OPCML: variants seen among roughly 807,000 people sequenced by gnomAD.
OPCML encodes opioid-binding protein/cell adhesion molecule.
Under a neutral mutation model 37.8 loss-of-function variants are expected in OPCML, and 13 were observed. That is an observed-to-expected ratio of 0.34 (90% CI 0.22 to 0.55). OPCML has a LOEUF of 0.55. OPCML is among the 20% of genes least tolerant of loss of function. The pLI is 0.91. For synonymous variants in OPCML, 176 were observed against 168.8 expected (o/e 1.04, Z -0.33); for missense variants, 341 against 435.6 (o/e 0.78, Z 1.93).
intron 1 of OPCML, among the ~76,000 whole-genome samples, chr11:133,431,523 T>C (rs973895958): frequency 3.9e-5 from 6 of 152,138 alleles, no homozygotes; most frequent in Non-Finnish European, 8.8e-5. Flanking sequence ...TGGAGGGCAA[T>C]AGCGTGATCT....
At chr11:132,915,318 G>A (rs1464384161) in intron 2 of OPCML, among the ~76,000 whole-genome samples, 1 of 152,180 alleles carries the variant, frequency 6.6e-6, no homozygotes, top group Non-Finnish European at 1.5e-5. Context: ...GGTGAGGCAT[G>A]CACATTTCTG....
intron 1 of OPCML, among the ~76,000 whole-genome samples, chr11:133,397,047 A>AT (rs1945302889): frequency 6.6e-6 from 1 of 152,158 alleles, no homozygotes; most frequent in Non-Finnish European, 1.5e-5. Flanking sequence ...CTCCATGTCT[A>AT]TTTTTTGAGA....
intron 1 of OPCML, among the ~76,000 whole-genome samples, chr11:133,029,394 GT>G (rs1384841972): frequency 2.0e-5 from 3 of 152,012 alleles, no homozygotes; most frequent in African/African-American, 7.3e-5. Flanking sequence ...AAAATAAATC[GT>G]TCAACCAAAA....
At chr11:133,493,472 T>C (rs891261488) in intron 1 of OPCML, among the ~76,000 whole-genome samples, 2 of 152,196 alleles carry the variant, frequency 1.3e-5, no homozygotes, top group African/African-American at 4.8e-5. Flanking sequence ...TTTACAGAAA[T>C]GAGTTTAAAC....
At chr11:132,731,362 A>G (rs1945069350) in intron 2 of OPCML, among the ~76,000 whole-genome samples, 1 of 152,210 alleles carries the variant, frequency 6.6e-6, no homozygotes, top group South Asian at 2.1e-4. Flanking sequence ...AATAAATCTG[A>G]TGGTGATGCC....
intron 2 of OPCML, among the ~76,000 whole-genome samples, chr11:132,792,689 C>T (rs1458736290): frequency 1.3e-5 from 2 of 152,086 alleles, no homozygotes; most frequent in East Asian, 1.9e-4. Flanking sequence ...AGGGGATGGG[C>T]GGCCCCCACC....
intron 2 of OPCML, among the ~76,000 whole-genome samples, chr11:132,725,705 A>G (rs1225540242): frequency 1.3e-5 from 2 of 151,700 alleles, no homozygotes; most frequent in African/African-American, 4.8e-5. Flanking sequence ...TTTGCTGCTT[A>G]GAAATTTCTC....
intron 1 of OPCML, among the ~76,000 whole-genome samples, chr11:133,213,489 T>A (rs1463044051): frequency 6.6e-6 from 1 of 152,194 alleles, no homozygotes; most frequent in Non-Finnish European, 1.5e-5. Flanking sequence ...ACAAAAACAC[T>A]AATGCTCTTT....
rs993968631 is a variant in OPCML, at chr11:132,774,485, G to A, written c.147-117166C>T. Among the ~76,000 whole-genome samples, 8 of 151,982 alleles carry A rather than the reference G, an allele frequency of 5.3e-5. No individual in the cohort carries two copies. In the South Asian group the frequency reaches 6.2e-4, roughly 12 times the overall value. Reference sequence around the variant, plus strand: ...ATAGTGCTGGAAAGCCACAAGCCTCGCTCTCTTTTCATCTCCTGTTTTACC... The same window carrying A: ...ATAGTGCTGGAAAGCCACAAGCCTCACTCTCTTTTCATCTCCTGTTTTACC... On this transcript the variant is annotated intron_variant, in intron 2 of 7. Transcript: ENST00000524381.
chr11:132,730,241 A>T (rs989535219), intron 2 of OPCML, among the ~76,000 whole-genome samples: 1 of 151,926 alleles, frequency 6.6e-6, no homozygotes, highest in African/African-American at 2.4e-5. Flanking sequence ...ACAGGTACCA[A>T]ATGCAGTTGA....
intron 1 of OPCML, among the ~76,000 whole-genome samples, chr11:133,179,094 C>T (rs773216338): frequency 2.0e-4 from 30 of 152,036 alleles, no homozygotes; most frequent in Non-Finnish European, 3.1e-4. Context: ...CCCCTCTGGC[C>T]CTCACCAAAA....
At chr11:132,629,888 A>G (rs1939986557) in intron 3 of OPCML, among the ~76,000 whole-genome samples, 1 of 152,238 alleles carries the variant, frequency 6.6e-6, no homozygotes. Flanking sequence ...AGAAACAAGA[A>G]TAGATATTTT....
intron 2 of OPCML, among the ~76,000 whole-genome samples, chr11:132,750,165 A>C (rs951077712): frequency 5.9e-5 from 9 of 152,220 alleles, no homozygotes; most frequent in Non-Finnish European, 1.0e-4. Context: ...GTATTATGGT[A>C]GAAGTCATCA....
chr11:133,384,266 GA>G (rs1311468159), intron 1 of OPCML, among the ~76,000 whole-genome samples: 3 of 35,352 alleles, frequency 8.5e-5, no homozygotes, highest in Non-Finnish European at 1.8e-4. Context: ...AAAAAAAAAA[GA>G]AAAGAAAAGA....
In OPCML at chr11:132,447,457, C is replaced by G. The variant is rs140986571; in HGVS notation, c.506-10098G>C. 4.0e-5 allele frequency among the ~76,000 whole-genome samples: 6 copies of G among 148,234 alleles called. No homozygotes were observed. The East Asian group carries it at 1.2e-3, about 29-fold the overall frequency. On this transcript the variant is annotated intron_variant, in intron 4 of 7. Coordinates refer to ENST00000524381, the MANE Select transcript of OPCML (RefSeq NM_001012393.5). ...GGGACTACAGGTGCATGCACCATGC[C>G]CAGTTAATTTTTTTTTTTTTTTTGT...
At chr11:133,402,250 T>TAA (rs112390398) in intron 1 of OPCML, among the ~76,000 whole-genome samples, 35 of 147,152 alleles carry the variant, frequency 2.4e-4, no homozygotes, top group African/African-American at 4.3e-4. Flanking sequence ...CCTGATTTTA[T>TAA]AAAAAAAAAC....
intron 2 of OPCML, among the ~76,000 whole-genome samples, chr11:132,706,385 A>T (rs1336952253): frequency 1.3e-5 from 2 of 152,210 alleles, no homozygotes; most frequent in Non-Finnish European, 2.9e-5. Context: ...AAACTAGCAG[A>T]GGATAAGAAT....
At chr11:133,135,108 G>T (rs1289210695) in intron 1 of OPCML, among the ~76,000 whole-genome samples, 1 of 152,098 alleles carries the variant, frequency 6.6e-6, no homozygotes, top group Non-Finnish European at 1.5e-5. Flanking sequence ...TTTCTCCCTG[G>T]TTAGCATATC....
At chr11:133,461,782 T>G (rs1027429719) in intron 1 of OPCML, among the ~76,000 whole-genome samples, 1 of 151,902 alleles carries the variant, frequency 6.6e-6, no homozygotes, top group African/African-American at 2.4e-5. Context: ...AAAAATTTAT[T>G]CTAAAAGTCA....
Sources: allele counts gnomAD v4.1 joint callset (sites outside exome capture counted in the v4.1 genomes callset), GRCh38; gene constraint gnomAD v4.1.1; transcripts MANE v1.5; gene names NCBI Gene and HGNC (gene_info 2026-07-23, HGNC 2026-07-21).